SEMA3A: variants seen among roughly 807,000 people sequenced by gnomAD.
SEMA3A encodes the protein semaphorin 3A.
In SEMA3A, 29 loss-of-function variants were observed where a neutral mutation model predicts 97.9. That is an observed-to-expected ratio of 0.30 (90% CI 0.22 to 0.40). SEMA3A has a LOEUF of 0.40. Ranked by LOEUF, SEMA3A falls within the 10% of genes least tolerant of loss-of-function variation. The pLI, the probability that SEMA3A is intolerant of heterozygous loss-of-function variation, is 1.00. For missense variants in SEMA3A, 763 were observed against 951.3 expected (o/e 0.80, Z 2.60); for synonymous variants, 321 against 323.7 (o/e 0.99, Z 0.09).
At chr7:84,000,358 G>A (rs1329593390) in intron 12 of SEMA3A, among the ~76,000 whole-genome samples, 1 of 151,916 alleles carries the variant, frequency 6.6e-6, no homozygotes, top group African/African-American at 2.4e-5. Context: ...AACAAATAAG[G>A]CTAATGTGCC....
At chr7:84,375,581 T>C (rs569460198) in intron 1 of SEMA3A, among the ~76,000 whole-genome samples, 1 of 152,312 alleles carries the variant, frequency 6.6e-6, no homozygotes, top group African/African-American at 2.4e-5. Flanking sequence ...TAATTGTACT[T>C]ATTTTTGGGG....
At chr7:83,992,462 A>G (rs577713402) in intron 12 of SEMA3A, among the ~76,000 whole-genome samples, 1 of 150,874 alleles carries the variant, frequency 6.6e-6, no homozygotes. Flanking sequence ...ATTTAGTGCT[A>G]TAAATTTCCC....
chr7:84,447,164 C>T (rs1470146311), intron 1 of SEMA3A, among the ~76,000 whole-genome samples: 3 of 152,204 alleles, frequency 2.0e-5, no homozygotes, highest in Non-Finnish European at 2.9e-5. Context: ...AGCCCCCTGC[C>T]GCTTCGATGC....
At chr7:84,411,059 C>A (rs900033481) in intron 1 of SEMA3A, among the ~76,000 whole-genome samples, 4 of 151,884 alleles carry the variant, frequency 2.6e-5, no homozygotes, top group Non-Finnish European at 5.9e-5. Context: ...TTTATATTGT[C>A]TGTGTGTTTG....
intron 3 of SEMA3A, among the ~76,000 whole-genome samples, chr7:84,236,010 A>G (rs1221897694): frequency 1.3e-5 from 2 of 152,126 alleles, no homozygotes; most frequent in Non-Finnish European, 2.9e-5. Flanking sequence ...TCAAATCATT[A>G]TCAAAACATC....
At chr7:84,382,897 A>G (rs1803303595) in intron 1 of SEMA3A, among the ~76,000 whole-genome samples, 1 of 151,908 alleles carries the variant, frequency 6.6e-6, no homozygotes, top group Middle Eastern at 3.4e-3. Context: ...ACAAAACAAA[A>G]CAAAAGTTGT....
chr7:84,478,582 C>T (rs916464261), intron 1 of SEMA3A, among the ~76,000 whole-genome samples: 2 of 151,144 alleles, frequency 1.3e-5, no homozygotes, highest in East Asian at 1.9e-4. Flanking sequence ...CTTTGTGAAA[C>T]ATCCAAAAGA....
At chr7:84,113,995 C>T (rs1235148090) in intron 3 of SEMA3A, among the ~76,000 whole-genome samples, 1 of 151,842 alleles carries the variant, frequency 6.6e-6, no homozygotes, top group African/African-American at 2.4e-5. Context: ...AAATGTCTAC[C>T]CCTAGAAAAA....
chr7:84,094,789 T>C (rs1355795389), intron 4 of SEMA3A, among the ~76,000 whole-genome samples: 1 of 152,104 alleles, frequency 6.6e-6, no homozygotes, highest in African/African-American at 2.4e-5. Flanking sequence ...TATTTTTGCT[T>C]TGAGTATTTG....
intron 1 of SEMA3A, among the ~76,000 whole-genome samples, chr7:84,143,995 A>ACACACACACACACAC (rs1275001617): frequency 1.5e-5 from 2 of 130,992 alleles, no homozygotes; most frequent in African/African-American, 6.6e-5. Flanking sequence ...ACACACACAC[A>ACACACACACACACAC]ATTTATTGTG....
At chr7:84,397,069 G>C (rs1001414652) in intron 1 of SEMA3A, among the ~76,000 whole-genome samples, 6 of 151,886 alleles carry the variant, frequency 4.0e-5, no homozygotes, top group African/African-American at 1.2e-4. Context: ...ATAAAATCTT[G>C]ATTTACATTT....
intron 1 of SEMA3A, among the ~76,000 whole-genome samples, chr7:84,482,336 C>T (rs986521376): frequency 2.6e-5 from 4 of 152,132 alleles, no homozygotes; most frequent in Non-Finnish European, 4.4e-5. Context: ...TTATTGTATA[C>T]CGAATATCTA....
intron 1 of SEMA3A, among the ~76,000 whole-genome samples, chr7:84,406,239 T>C (rs1054076546): frequency 6.6e-6 from 1 of 152,084 alleles, no homozygotes; most frequent in African/African-American, 2.4e-5. Context: ...CCCACAGAAA[T>C]ACAAACTACC....
chr7:84,000,069 AGG>A (rs1158652466), intron 12 of SEMA3A, among the ~76,000 whole-genome samples: 1 of 152,084 alleles, frequency 6.6e-6, no homozygotes, highest in African/African-American at 2.4e-5. Flanking sequence ...AAGACATTTT[AGG>A]TTTTGGCGAT....
intron 5 of SEMA3A, among the ~76,000 whole-genome samples, chr7:84,052,657 A>T (rs1792734944): frequency 6.6e-6 from 1 of 152,014 alleles, no homozygotes; most frequent in Non-Finnish European, 1.5e-5. Flanking sequence ...CCTTTCAAAA[A>T]ACCAGCTCCT....
At chr7:83,989,114 A>G (rs1789772377) in intron 12 of SEMA3A, among the ~76,000 whole-genome samples, 1 of 152,184 alleles carries the variant, frequency 6.6e-6, no homozygotes, top group South Asian at 2.1e-4. Context: ...GTGGTTATTA[A>G]GGAGCTTATT....
At chr7:84,271,220 C>T (rs146616103) in intron 3 of SEMA3A, among the ~76,000 whole-genome samples, 12 of 152,134 alleles carry the variant, frequency 7.9e-5, no homozygotes, top group Non-Finnish European at 1.6e-4. Flanking sequence ...CAAAGTCTCA[C>T]TCTGTCACCC....
chr7:83,973,167 G>A (rs1211401066), intron 15 of SEMA3A, among the ~76,000 whole-genome samples: 12 of 152,072 alleles, frequency 7.9e-5, no homozygotes, highest in Non-Finnish European at 1.3e-4. Context: ...CATTCTGTTC[G>A]TGTGAATTCG....
intron 1 of SEMA3A, among the ~76,000 whole-genome samples, chr7:84,142,322 C>T (rs181812062): frequency 1.3e-5 from 2 of 152,006 alleles, no homozygotes; most frequent in African/African-American, 4.8e-5. Flanking sequence ...TAGACAAATA[C>T]CTTTAGAGAA....
Sources: gnomAD v4.1 joint callset for allele counts (sites outside exome capture counted in the v4.1 genomes callset) on GRCh38, gnomAD v4.1.1 for gene constraint, MANE v1.5 for transcripts, NCBI Gene and HGNC (gene_info 2026-07-23, HGNC 2026-07-21) for gene names.